Variants in CWF19L1 observed in about 807,000 individuals in gnomAD.
The protein encoded by CWF19L1 is CWF19-like protein 1.
CWF19L1 carries 60 observed loss-of-function variants against 69.7 expected under a neutral mutation model. The observed-to-expected ratio is 0.86, with a 90% CI of 0.70 to 1.07. CWF19L1 has a LOEUF of 1.07. Ranked by LOEUF, CWF19L1 falls within the 50% of genes least tolerant of loss-of-function variation. CWF19L1 has a pLI of 0.00. For missense variants in CWF19L1, 591 were observed against 638.9 expected (o/e 0.92, Z 0.81); for synonymous variants, 209 against 222.2 (o/e 0.94, Z 0.53).
At chr10:100,258,052 A>G (rs1847271610) in intron 4 of CWF19L1, among the ~76,000 whole-genome samples, 1 of 152,116 alleles carries the variant, frequency 6.6e-6, no homozygotes, top group Non-Finnish European at 1.5e-5. Context: ...AGCCTGACCA[A>G]CATGGTGAAA....
At position 100,253,671 on chromosome 10, in the gene CWF19L1, G is replaced by C; in HGVS notation, c.505-132C>G. ...ATGTGGACAGAAGGAACTGCACATTGAATTTCATAAGTATGGCAATCAGAG... is the reference window on the plus strand; with the variant it reads ...ATGTGGACAGAAGGAACTGCACATTCAATTTCATAAGTATGGCAATCAGAG... On this transcript the variant is annotated intron_variant, in intron 5 of 13. Coordinates refer to ENST00000354105, the MANE Select transcript of CWF19L1 (RefSeq NM_018294.6). 5.2e-6 allele frequency: 3 copies of C among 578,604 alleles called. No individual in the cohort carries two copies. The South Asian group carries it at 7.2e-5, about 14-fold the overall frequency. 35.8% of individuals were successfully genotyped at this position (578,604 alleles called of 1,614,324 possible).
intron 4 of CWF19L1, among the ~76,000 whole-genome samples, chr10:100,257,194 A>T (rs1368262544): frequency 6.6e-6 from 1 of 151,904 alleles, no homozygotes; most frequent in Non-Finnish European, 1.5e-5. Context: ...AAATATGCTC[A>T]ATCATCGCCA....
chr10:100,247,122 G>A (rs577062351), intron 7 of CWF19L1, among the ~76,000 whole-genome samples, 187 bp from the exon 8 acceptor site: 26 of 152,268 alleles, frequency 1.7e-4, no homozygotes, highest in African/African-American at 6.3e-4. Flanking sequence ...GGCCTCTGCA[G>A]GGGCTCACCA....
chr10:100,265,474 GT>G (rs35234870), intron 1 of CWF19L1, among the ~76,000 whole-genome samples: 31,094 of 148,370 alleles, frequency 0.21, 6,092 homozygotes, highest in African/African-American at 0.52. Context: ...TCCTACACAG[GT>G]TGTGCCCTTT....
At chr10:100,235,563 C>A in intron 13 of CWF19L1, 104 bp downstream of exon 13, 1 of 731,470 alleles carries the variant, frequency 1.4e-6, no homozygotes, top group Non-Finnish European at 2.3e-6. Flanking sequence ...TCCTCTGGGG[C>A]AAGGACTGTT....
Position 100,233,094 on chromosome 10 carries a change from G to T in CWF19L1, c.*133C>A. On this transcript the variant is annotated 3_prime_UTR_variant, in exon 14 of 14. Coordinates refer to ENST00000354105, the MANE Select transcript of CWF19L1 (RefSeq NM_018294.6). The stretch of plus-strand genomic sequence containing the variant: ...GCCCAGGAGGTTGAGGCTACAGTGA[G>T]CCACAGTTATGCCACTGCAATCCTG... The T allele has an allele frequency of 1.1e-6, 1 of 883,970 alleles. No individual in the cohort carries two copies. The allele number at this position is 883,970 out of a possible 1,614,324, so 54.8% of individuals were successfully genotyped here.
At chr10:100,256,528 G>C (rs1340484519) in intron 4 of CWF19L1, 52 bp from the exon 5 acceptor site, 13 of 1,403,784 alleles carry the variant, frequency 9.3e-6, no homozygotes, top group African/African-American at 4.3e-5. Context: ...AGAATGAAAA[G>C]CCATCAATAG....
At chr10:100,257,380 A>ACCTCCG (rs1243833642) in intron 4 of CWF19L1, among the ~76,000 whole-genome samples, 1 of 132,164 alleles carries the variant, frequency 7.6e-6, no homozygotes, top group African/African-American at 2.9e-5. Flanking sequence ...TGCAACCTCC[A>ACCTCCG]CCTCCGCCTC....
In CWF19L1 at chr10:100,236,989, G is replaced by A. The variant is rs747234474; in HGVS notation, c.1255-20C>T. 2 of 1,556,358 alleles carry A rather than the reference G, an allele frequency of 1.3e-6. No homozygotes were observed. The highest frequency in any genetic ancestry group is 2.3e-5 in the East Asian group (1 of 44,320). On this transcript the variant is annotated intron_variant, in intron 11 of 13. Transcript: ENST00000354105. The stretch of plus-strand genomic sequence containing the variant: ...AATGACCTGGGGGTTGGGGAGACAG[G>A]AGAAATTCCTTGTGCAGGTCCCAGA...
chr10:100,263,038 C>G (rs944263810), intron 1 of CWF19L1, among the ~76,000 whole-genome samples: 2 of 152,044 alleles, frequency 1.3e-5, no homozygotes, highest in Non-Finnish European at 2.9e-5. Context: ...CCCACCTCAC[C>G]CCCTTCCTAT....
chr10:100,239,894 T>A (rs1177755653), intron 10 of CWF19L1, among the ~76,000 whole-genome samples: 1 of 152,218 alleles, frequency 6.6e-6, no homozygotes, highest in Non-Finnish European at 1.5e-5. Flanking sequence ...TTTATTTGTA[T>A]AATAACCACT....
At chr10:100,236,141 G>A (rs1167649546) in intron 12 of CWF19L1, among the ~76,000 whole-genome samples, 1 of 136,012 alleles carries the variant, frequency 7.4e-6, no homozygotes, top group African/African-American at 2.8e-5. Flanking sequence ...GTCTTGCGAT[G>A]TTGCCCAGGC....
At chr10:100,260,651 G>A (rs1050368960) in intron 3 of CWF19L1, among the ~76,000 whole-genome samples, 2 of 151,836 alleles carry the variant, frequency 1.3e-5, no homozygotes, top group Non-Finnish European at 2.9e-5. Flanking sequence ...GTCTCCCGAG[G>A]AGCTGGGATT....
At chr10:100,248,862 G>T (rs1846922722) in intron 7 of CWF19L1, 2 of 1,106,944 alleles carry the variant, frequency 1.8e-6, no homozygotes, top group South Asian at 2.5e-5. Flanking sequence ...TGGCAGAAAA[G>T]GCTGAGCAGC....
At chr10:100,255,058 C>G (rs4919439) in intron 5 of CWF19L1, among the ~76,000 whole-genome samples, 7,609 of 152,224 alleles carry the variant, frequency 0.05, 256 homozygotes, top group East Asian at 0.096. Flanking sequence ...GATTTGTTCC[C>G]AAATGCATTC....
Position 100,238,088 on chromosome 10 carries a change from A to C in CWF19L1, c.1188T>G (p.Phe396Leu), listed in dbSNP as rs148750209. The change falls in exon 11 of 14, where the codon TTT (phenylalanine) becomes TTG (leucine). Residue 396 changes from phenylalanine to leucine, a missense_variant. Coordinates refer to ENST00000354105, the MANE Select transcript of CWF19L1 (RefSeq NM_018294.6). ...CAACACACCATTTCCCTCGACTCTT[A>C]AAGAACCGTCTCAGAGTGGCCTTAT... ...EKYKATLRRFFKSRGKWCVVF... is the reference protein window; with the variant it reads ...EKYKATLRRFLKSRGKWCVVF... The C allele has an allele frequency of 6.2e-6, 10 of 1,614,060 alleles. No individual in the cohort carries two copies. The African/African-American group carries it at 1.3e-4, about 22-fold the overall frequency.
At chr10:100,248,995 A>G in intron 7 of CWF19L1, 1 of 664,388 alleles carries the variant, frequency 1.5e-6, no homozygotes, top group Non-Finnish European at 2.8e-6. Flanking sequence ...TGTGGAGGAC[A>G]TCACATTCCA....
intron 4 of CWF19L1, among the ~76,000 whole-genome samples, chr10:100,259,726 T>C (rs965456297): frequency 6.6e-6 from 1 of 152,132 alleles, no homozygotes; most frequent in Non-Finnish European, 1.5e-5. Context: ...CTAAAGGCAT[T>C]GTCCTAAGGG....
chr10:100,252,519 G>A (rs1847072760), intron 6 of CWF19L1, among the ~76,000 whole-genome samples: 1 of 151,416 alleles, frequency 6.6e-6, no homozygotes, highest in African/African-American at 2.4e-5. Context: ...ACCTCTGAGT[G>A]CAAAAGAAAA....
Sources: gnomAD v4.1 joint callset for allele counts (sites outside exome capture counted in the v4.1 genomes callset) on GRCh38, gnomAD v4.1.1 for gene constraint, MANE v1.5 for transcripts, NCBI Gene and HGNC (gene_info 2026-07-23, HGNC 2026-07-21) for gene names.